GNL1: variants seen among roughly 807,000 people sequenced by gnomAD.
GNL1 encodes the protein G protein nucleolar 1, also known as guanine nucleotide-binding protein-like 1.
A neutral mutation model predicts 75.2 loss-of-function variants in GNL1; 21 were observed. The ratio of observed to expected loss-of-function variants is 0.28; its 90% CI spans 0.20 to 0.40. The LOEUF is 0.40. Among genes scored for constraint, GNL1 ranks in the 10% least tolerant of loss-of-function variants. GNL1 has a pLI of 1.00. For missense variants in GNL1, 579 were observed against 775.0 expected, an observed-to-expected ratio of 0.75 and a Z score of 3.00; for synonymous variants, 287 against 303.4, an observed-to-expected ratio of 0.95 and a Z score of 0.56.
chr6:30,556,303 AG>A lies in GNL1; in HGVS notation c.-101del. ...CCGCCGCAGGGGCCCGGGACCCTAG[AG>A]GAGGCGGGGCTAGCAGGTGACGTCA... is the stretch of plus-strand genomic sequence containing the variant. On this transcript the variant is annotated 5_prime_UTR_variant, in exon 1 of 12. Coordinates refer to ENST00000376621, the MANE Select transcript of GNL1 (RefSeq NM_005275.5). This position sits in a 1 kb window ranked among gnomAD's most constrained non-coding sequence, Gnocchi z 5.7. 7.2e-7 allele frequency: 1 copy of A among 1,397,696 alleles called. No homozygotes were observed. The highest frequency in any genetic ancestry group is 9.9e-7 in the Non-Finnish European group (1 of 1,006,062). 86.6% of individuals were successfully genotyped at this position (1,397,696 alleles called of 1,614,324 possible).
chr6:30,547,716 C>T lies in GNL1; in HGVS notation c.1100-186G>A, dbSNP rs1171858889. ...CTTCCACTTACCAGCTTTGTGATGT[C>T]AGGGCAACTAACTTTCTGAGCCTCT... On this transcript the variant is annotated intron_variant, in intron 8 of 11. Transcript: ENST00000376621. The surrounding 1 kb of genome is among the most constrained non-coding windows in gnomAD (Gnocchi z 5.5). The T allele has an allele frequency of 1.7e-6, 1 of 583,914 alleles. No individual in the cohort carries two copies. Among genetic ancestry groups the T allele is most frequent in the East Asian group, 3.0e-5 (1 of 32,940 alleles). The allele number at this position is 583,914 out of a possible 1,614,324, so 36.2% of individuals were successfully genotyped here.
chr6:30,556,380 G>A lies in GNL1; in HGVS notation c.-177C>T. 1 of 666,434 alleles carries A rather than the reference G, an allele frequency of 1.5e-6. No individual in the cohort carries two copies. The highest frequency in any genetic ancestry group is 2.7e-5 in the East Asian group (1 of 36,858). The allele number at this position is 666,434 out of a possible 1,614,324, so 41.3% of individuals were successfully genotyped here. On this transcript the variant is annotated 5_prime_UTR_variant, in exon 1 of 12. Coordinates refer to ENST00000376621, the MANE Select transcript of GNL1 (RefSeq NM_005275.5). The surrounding 1 kb of genome is among the most constrained non-coding windows in gnomAD (Gnocchi z 5.7). ...CCGCGGCGGCGATGGAAGGCGGACG[G>A]GGGAGATATAGTCACTTCCCTCCAG...
Position 30,546,730 on chromosome 6 carries a change from C to G in GNL1, c.1548G>C (p.Leu516=). The G allele has an allele frequency of 1.2e-6, 2 of 1,610,474 alleles. No homozygotes were observed. Among genetic ancestry groups the G allele is most frequent in the South Asian group, 1.1e-5 (1 of 91,022 alleles). Residue 516 remains leucine, a synonymous_variant, in exon 11 of 12, where the codon CTG becomes CTC. Transcript: ENST00000376621. This position sits in a 1 kb window ranked among gnomAD's most constrained non-coding sequence, Gnocchi z 5.1. The part of the protein sequence containing the change: ...LRLAVDGRLS[L]CFHPPGYSEQ... ...CACTGTAGCCTGGGGGATGAAAACA[C>G]AGGCTGAGGCGGCCGTCCACTGCCA...
rs1284736345 is a variant in GNL1 at position 30,547,685 on chromosome 6, C to T, written c.1100-155G>A. 1.5e-6 allele frequency: 1 copy of T among 646,946 alleles called. No individual in the cohort carries two copies. Among genetic ancestry groups the T allele is most frequent in the Non-Finnish European group, 2.6e-6 (1 of 382,772 alleles). 40.1% of individuals were successfully genotyped at this position (646,946 alleles called of 1,614,324 possible). ...CGCTCTGGGCTGCCAGGGTTAAATC[C>T]TGGCCCTTCCACTTACCAGCTTTGT... On this transcript the variant is annotated intron_variant, in intron 8 of 11. Coordinates refer to ENST00000376621, the MANE Select transcript of GNL1 (RefSeq NM_005275.5). This position sits in a 1 kb window ranked among gnomAD's most constrained non-coding sequence, Gnocchi z 5.5.
chr6:30,546,046 A>C lies in GNL1; in HGVS notation c.*26T>G. 1.9e-6 allele frequency: 3 copies of C among 1,552,120 alleles called. No homozygotes were observed. Among genetic ancestry groups the C allele is most frequent in the Non-Finnish European group, 1.8e-6 (2 of 1,134,382 alleles). ...TCAGTCCAAAAGCAAAGATACTGGG[A>C]GGGAAGATGGCGCTGGGCGAGGAAC... is the stretch of plus-strand genomic sequence containing the variant. On this transcript the variant is annotated 3_prime_UTR_variant, in exon 12 of 12. Coordinates refer to ENST00000376621, the MANE Select transcript of GNL1 (RefSeq NM_005275.5). The surrounding 1 kb of genome is among the most constrained non-coding windows in gnomAD (Gnocchi z 5.1).
chr6:30,556,172 T>G lies in GNL1; in HGVS notation c.32A>C (p.Gln11Pro), dbSNP rs769098548. 1 of 1,605,730 alleles carries G rather than the reference T, an allele frequency of 6.2e-7. No individual in the cohort carries two copies. Among genetic ancestry groups the G allele is most frequent in the Admixed American group, 1.7e-5 (1 of 60,032 alleles). The change falls in exon 1 of 12, where the codon CAG (glutamine) becomes CCG (proline). Residue 11 changes from glutamine to proline, a missense_variant. Gln to Pro is a moderately conservative substitution (Grantham distance 76). Coordinates refer to ENST00000376621, the MANE Select transcript of GNL1 (RefSeq NM_005275.5). This position sits in a 1 kb window ranked among gnomAD's most constrained non-coding sequence, Gnocchi z 5.7. The part of the protein sequence containing the change: MPRKKPFSVK[Q>P]KKKQLQDKRE... ...TTTGTCCTGCAACTGCTTCTTCTTC[T>G]GCTTCACGCTGAATGGCTTCTTCCT...
chr6:30,555,510 CG>C lies in GNL1; in HGVS notation c.239+44del. ...CGCTTTCCCCCAAAGCTCTGACTTC[CG>C]GGTAGGCGGGAAAGCCGGGACCAGC... On this transcript the variant is annotated intron_variant, in intron 2 of 11. Transcript: ENST00000376621. This position sits in a 1 kb window ranked among gnomAD's most constrained non-coding sequence, Gnocchi z 4.3. 6.4e-7 allele frequency: 1 copy of C among 1,569,634 alleles called. No individual in the cohort carries two copies. The highest frequency in any genetic ancestry group is 8.7e-7 in the Non-Finnish European group (1 of 1,149,234).
In GNL1 at chr6:30,555,537, G is replaced by T. The variant is rs374422294; in HGVS notation, c.239+18C>A. 3 of 1,599,086 alleles carry T rather than the reference G, an allele frequency of 1.9e-6. No individual in the cohort carries two copies. Among genetic ancestry groups the T allele is most frequent in the Non-Finnish European group, 2.6e-6 (3 of 1,170,032 alleles). On this transcript the variant is annotated intron_variant, in intron 2 of 11. Transcript: ENST00000376621. The surrounding 1 kb of genome is among the most constrained non-coding windows in gnomAD (Gnocchi z 4.3). ...GGTAGGCGGGAAAGCCGGGACCAGC[G>T]CCCCCTCCCACCCTCACCGATTTGG... is the stretch of plus-strand genomic sequence containing the variant.
chr6:30,547,059 T>C lies in GNL1; in HGVS notation c.1441+53A>G. The C allele has an allele frequency of 6.7e-7, 1 of 1,501,184 alleles. No individual in the cohort carries two copies. The highest frequency in any genetic ancestry group is 9.3e-7 in the Non-Finnish European group (1 of 1,080,112). 93.0% of individuals were successfully genotyped at this position (1,501,184 alleles called of 1,614,324 possible). On this transcript the variant is annotated intron_variant, in intron 10 of 11. Coordinates refer to ENST00000376621, the MANE Select transcript of GNL1 (RefSeq NM_005275.5). This position sits in a 1 kb window ranked among gnomAD's most constrained non-coding sequence, Gnocchi z 5.5. ...AGGGAAGGGTAAAAGGCGAGGCAGG[T>C]AAGGAAGAGCAGCTGAAACCAGGTG...
rs370643108 is a variant in GNL1, at chr6:30,555,540, C to T, written c.239+15G>A. On this transcript the variant is annotated intron_variant, in intron 2 of 11. Transcript: ENST00000376621. The surrounding 1 kb of genome is among the most constrained non-coding windows in gnomAD (Gnocchi z 4.3). Reference sequence around the variant, plus strand: ...AGGCGGGAAAGCCGGGACCAGCGCCCCCTCCCACCCTCACCGATTTGGGTC... The same window carrying T: ...AGGCGGGAAAGCCGGGACCAGCGCCTCCTCCCACCCTCACCGATTTGGGTC... 4.4e-6 allele frequency: 7 copies of T among 1,600,830 alleles called. No homozygotes were observed. Among genetic ancestry groups the T allele is most frequent in the Non-Finnish European group, 6.0e-6 (7 of 1,171,528 alleles).
In GNL1 at chr6:30,555,857, C is replaced by A. The variant is rs1187821446; in HGVS notation, c.74-137G>T. ...GTCCTCCCAGACACCCTATTTGGGACCCTCCCGGATGTGCGTGGGGGGAGT... is the reference window on the plus strand; with the variant it reads ...GTCCTCCCAGACACCCTATTTGGGAACCTCCCGGATGTGCGTGGGGGGAGT... On this transcript the variant is annotated intron_variant, in intron 1 of 11. Transcript: ENST00000376621. The surrounding 1 kb of genome is among the most constrained non-coding windows in gnomAD (Gnocchi z 4.3). 3 of 997,124 alleles carry A rather than the reference C, an allele frequency of 3.0e-6. No homozygotes were observed. The highest frequency in any genetic ancestry group is 4.4e-6 in the Non-Finnish European group (3 of 676,562). The allele number at this position is 997,124 out of a possible 1,614,324, so 61.8% of individuals were successfully genotyped here.
chr6:30,549,969 A>G (rs2127372566), intron 8 of GNL1, among the ~76,000 whole-genome samples: 1 of 151,958 alleles, frequency 6.6e-6, no homozygotes, highest in African/African-American at 2.4e-5. Flanking sequence ...GACTACAGGC[A>G]CGCACCACCA....
chr6:30,556,253 A>G lies in GNL1; in HGVS notation c.-50T>C. 1.3e-6 allele frequency: 2 copies of G among 1,588,292 alleles called. No individual in the cohort carries two copies. Among genetic ancestry groups the G allele is most frequent in the African/African-American group, 1.3e-5 (1 of 74,628 alleles). On this transcript the variant is annotated 5_prime_UTR_variant, in exon 1 of 12. Transcript: ENST00000376621. The surrounding 1 kb of genome is among the most constrained non-coding windows in gnomAD (Gnocchi z 5.7). ...CCCTCCGCCGAGCTCCCGCCGCCTCAACTGACTGCCCCCCGGGGCAGCCCC... is the reference window on the plus strand; with the variant it reads ...CCCTCCGCCGAGCTCCCGCCGCCTCGACTGACTGCCCCCCGGGGCAGCCCC...
In GNL1 at chr6:30,553,480, C is replaced by T. The variant is rs1190847387; in HGVS notation, c.678G>A (p.Lys226=). The T allele has an allele frequency of 1.2e-5, 19 of 1,613,014 alleles. No homozygotes were observed. Among genetic ancestry groups the T allele is most frequent in the Non-Finnish European group, 1.5e-5 (18 of 1,179,982 alleles). ...CAAGAGCTGGCGGGGCCAGATCCACCTTGTTCAAAACCAGCACCAGGGCCA... is the reference window on the plus strand; with the variant it reads ...CAAGAGCTGGCGGGGCCAGATCCACTTTGTTCAAAACCAGCACCAGGGCCA... ...LGLALVLVLN[K]VDLAPPALVV... The change falls in exon 6 of 12, where the codon AAG becomes AAA. Residue 226 remains lysine (K), a synonymous_variant. Coordinates refer to ENST00000376621, the MANE Select transcript of GNL1 (RefSeq NM_005275.5).
rs572405792 is a variant in GNL1 at position 30,553,742 on chromosome 6, T to A, written c.601-185A>T. ...AACAGGGGTTAGTAATACTTCTGAGTCTCAGAGGGCTTCCTATAGGTCATG... is the reference window on the plus strand; with the variant it reads ...AACAGGGGTTAGTAATACTTCTGAGACTCAGAGGGCTTCCTATAGGTCATG... On this transcript the variant is annotated intron_variant, in intron 5 of 11. Coordinates refer to ENST00000376621, the MANE Select transcript of GNL1 (RefSeq NM_005275.5). 2.0e-5 allele frequency among the ~76,000 whole-genome samples: 3 copies of A among 152,184 alleles called. No individual in the cohort carries two copies. The South Asian group carries it at 6.2e-4, about 32-fold the overall frequency.
In GNL1 at chr6:30,546,527, G is replaced by A. The variant is rs1453445194; in HGVS notation, c.1582+169C>T. Reference sequence around the variant, plus strand: ...CAATCTTTACAATCACTATGCTAAGGGTCAATTATTACCCTCAGTTTGCAG... The same window carrying A: ...CAATCTTTACAATCACTATGCTAAGAGTCAATTATTACCCTCAGTTTGCAG... On this transcript the variant is annotated intron_variant, in intron 11 of 11. Coordinates refer to ENST00000376621, the MANE Select transcript of GNL1 (RefSeq NM_005275.5). This position sits in a 1 kb window ranked among gnomAD's most constrained non-coding sequence, Gnocchi z 5.1. The A allele has an allele frequency of 2.9e-6, 2 of 696,618 alleles. No individual in the cohort carries two copies. Among genetic ancestry groups the A allele is most frequent in the Non-Finnish European group, 4.9e-6 (2 of 404,874 alleles). 43.2% of individuals were successfully genotyped at this position (696,618 alleles called of 1,614,324 possible).
At position 30,542,972 on chromosome 6, in the gene GNL1, A is replaced by G. The variant is rs973795482; in HGVS notation, c.*3100T>C. 6.6e-6 allele frequency: 1 copy of G among 152,286 alleles called. No homozygotes were observed. The highest frequency in any genetic ancestry group is 1.5e-5 in the Non-Finnish European group (1 of 68,070). The allele number at this position is 152,286 out of a possible 1,614,324, so 9.4% of individuals were successfully genotyped here. The stretch of plus-strand genomic sequence containing the variant: ...TTCTCCTTTGCACCCTCTGCCTCTG[A>G]ACAAGTTACAGTCTTCCAAAGTTGT... On this transcript the variant is annotated 3_prime_UTR_variant, in exon 12 of 12. Transcript: ENST00000376621. This position sits in a 1 kb window ranked among gnomAD's most constrained non-coding sequence, Gnocchi z 4.5.
chr6:30,547,428 T>G lies in GNL1; in HGVS notation c.1202A>C (p.Tyr401Ser). 1 of 1,613,940 alleles carries G rather than the reference T, an allele frequency of 6.2e-7. No individual in the cohort carries two copies. The highest frequency in any genetic ancestry group is 8.5e-7 in the Non-Finnish European group (1 of 1,179,916). Residue 401 changes from tyrosine to serine, a missense_variant, in exon 9 of 12, where the codon TAC (tyrosine) becomes TCC (serine). By Grantham distance (144) the Tyr-to-Ser change is moderately radical (BLOSUM62 -2). Transcript: ENST00000376621. The surrounding 1 kb of genome is among the most constrained non-coding windows in gnomAD (Gnocchi z 5.5). ...TPGHTRYFQT[Y>S]FLTPSVKLCD... ...GAGCTTCACAGAGGGGGTAAGAAAG[T>G]AGGTCTGAAAGTATCGGGTATGGCC...
rs551730026 is a variant in GNL1 at position 30,548,733 on chromosome 6, T to C, written c.1100-1203A>G. On this transcript the variant is annotated intron_variant, in intron 8 of 11. Coordinates refer to ENST00000376621, the MANE Select transcript of GNL1 (RefSeq NM_005275.5). The surrounding 1 kb of genome is among the most constrained non-coding windows in gnomAD (Gnocchi z 4.2). ...AAGATGTACCACTGTGCTCACTCTT[T>C]ACAACACATGCAAGTATCTAGGAGG... Among the ~76,000 whole-genome samples, 1 of 152,228 alleles carries C rather than the reference T, an allele frequency of 6.6e-6. No individual in the cohort carries two copies. The highest frequency in any genetic ancestry group is 2.4e-5 in the African/African-American group (1 of 41,538).
Sources: gnomAD v4.1 joint callset for allele counts (sites outside exome capture counted in the v4.1 genomes callset) on GRCh38, gnomAD v4.1.1 for gene constraint, Gnocchi (gnomAD v3.1) non-coding constraint, MANE v1.5 for transcripts, NCBI Gene and HGNC (gene_info 2026-07-23, HGNC 2026-07-21) for gene names.